Variants in DPF3 observed in about 807,000 individuals in gnomAD.
DPF3 encodes the protein double PHD fingers 3.
DPF3 carries 18 observed loss-of-function variants against 56.8 expected under a neutral mutation model. The observed-to-expected ratio is 0.32, with a 90% confidence interval of 0.22 to 0.47. DPF3 has a LOEUF of 0.47. DPF3 is among the 20% of genes least tolerant of loss of function. DPF3 has a pLI of 1.00. For synonymous variants in DPF3, 188 were observed against 180.2 expected (o/e 1.04, Z -0.35); for missense variants, 403 against 488.8 (o/e 0.82, Z 1.65).
intron 3 of DPF3, among the ~76,000 whole-genome samples, chr14:72,741,589 T>C (rs930978710): frequency 1.9e-4 from 29 of 152,246 alleles, no homozygotes. Context: ...CTCCCTCATC[T>C]GTGAAGCAGA....
intron 1 of DPF3, among the ~76,000 whole-genome samples, chr14:72,808,342 G>A (rs1274365929): frequency 1.3e-5 from 2 of 152,294 alleles, no homozygotes; most frequent in East Asian, 3.9e-4. Flanking sequence ...GCAGGGACAG[G>A]GAAGAAGAAG....
intron 7 of DPF3, among the ~76,000 whole-genome samples, chr14:72,685,258 A>G (rs11846357): frequency 0.072 from 10,930 of 152,296 alleles, 966 homozygotes; most frequent in African/African-American, 0.21. Context: ...ACTAGGGCCC[A>G]TCACTCAGGG....
chr14:72,745,088 G>T lies in DPF3; in HGVS notation c.301+8176C>A, dbSNP rs994741540. ...ATGAGGAAAAGACAGGCATCCTCAG[G>T]GGGTGGGTGTGGAGGGGCACCATGG... On this transcript the variant is annotated intron_variant, in intron 3 of 10. Transcript: ENST00000556509. 2.0e-5 allele frequency among the ~76,000 whole-genome samples: 3 copies of T among 152,012 alleles called. No individual in the cohort carries two copies. The East Asian group carries it at 5.8e-4, about 29-fold the overall frequency.
chr14:72,667,103 A>G (rs1886474203), intron 8 of DPF3, among the ~76,000 whole-genome samples: 1 of 152,178 alleles, frequency 6.6e-6, no homozygotes, highest in Non-Finnish European at 1.5e-5. Context: ...GAACCCTTAA[A>G]GGGATGCTAT....
At chr14:72,864,104 A>G (rs1885564808) in intron 1 of DPF3, among the ~76,000 whole-genome samples, 1 of 152,114 alleles carries the variant, frequency 6.6e-6, no homozygotes, top group Non-Finnish European at 1.5e-5. Flanking sequence ...TGGTCCCTCC[A>G]GAGAGAATTG....
At chr14:72,740,802 G>A (rs1336792364) in intron 3 of DPF3, among the ~76,000 whole-genome samples, 1 of 152,222 alleles carries the variant, frequency 6.6e-6, no homozygotes, top group Non-Finnish European at 1.5e-5. Context: ...GTGCCTCGGG[G>A]CTGAGTTCTG....
intron 7 of DPF3, among the ~76,000 whole-genome samples, chr14:72,687,313 A>C (rs1887456029): frequency 6.6e-6 from 1 of 152,158 alleles, no homozygotes; most frequent in Non-Finnish European, 1.5e-5. Context: ...ATAGACTCAT[A>C]TTTTTTTAAA....
At chr14:72,760,626 T>G (rs948266058) in intron 2 of DPF3, among the ~76,000 whole-genome samples, 18 of 152,282 alleles carry the variant, frequency 1.2e-4, no homozygotes, top group Middle Eastern at 3.4e-3. Flanking sequence ...AATAATATAA[T>G]TTGAAAGTTA....
intron 8 of DPF3, among the ~76,000 whole-genome samples, chr14:72,657,913 C>CA (rs1196302362): frequency 1.3e-5 from 2 of 151,810 alleles, no homozygotes; most frequent in Non-Finnish European, 2.9e-5. Flanking sequence ...AATGATAAGG[C>CA]AAAAAAATTT....
chr14:72,802,568 A>T (rs906080452), intron 1 of DPF3, among the ~76,000 whole-genome samples: 1 of 152,090 alleles, frequency 6.6e-6, no homozygotes, highest in Non-Finnish European at 1.5e-5. Context: ...CACATACCTC[A>T]AGGCACATGC....
intron 1 of DPF3, chr14:72,879,888 A>G (rs1886261528): frequency 1.3e-6 from 2 of 1,531,392 alleles, no homozygotes; most frequent in Admixed American, 2.0e-5. Context: ...AGATGTTCAC[A>G]TCTATATGCG....
intron 1 of DPF3, among the ~76,000 whole-genome samples, chr14:72,877,066 C>T (rs551889519): frequency 8.5e-5 from 13 of 152,146 alleles, no homozygotes; most frequent in African/African-American, 1.9e-4. Flanking sequence ...AGGAGAAAGA[C>T]GTAAATAGTG....
intron 6 of DPF3, among the ~76,000 whole-genome samples, chr14:72,713,829 C>T (rs557164605): frequency 1.6e-4 from 25 of 152,196 alleles, no homozygotes; most frequent in Non-Finnish European, 2.9e-4. Context: ...GTCTGCACGC[C>T]CTAAACTCAG....
intron 5 of DPF3, among the ~76,000 whole-genome samples, chr14:72,720,505 G>T (rs1004230018): frequency 2.0e-4 from 31 of 152,298 alleles, no homozygotes; most frequent in African/African-American, 7.5e-4. Flanking sequence ...GAACCATTCA[G>T]CTGCTGCTTG....
chr14:72,692,728 A>T (rs1170123894), intron 7 of DPF3, among the ~76,000 whole-genome samples: 2 of 152,224 alleles, frequency 1.3e-5, no homozygotes, highest in Non-Finnish European at 1.5e-5. Context: ...ACCTATGCCC[A>T]ACCCAGTCTG....
chr14:72,875,053 CA>C (rs1383025602), intron 1 of DPF3, among the ~76,000 whole-genome samples: 1 of 152,128 alleles, frequency 6.6e-6, no homozygotes, highest in African/African-American at 2.4e-5. Context: ...GAGGAAGAAG[CA>C]AAAGCTGAAA....
intron 2 of DPF3, among the ~76,000 whole-genome samples, chr14:72,756,928 A>AAGAAAGAAAGAAGAGAAGAGAAGAGAAG (rs1428028523): frequency 3.6e-4 from 50 of 139,170 alleles, no homozygotes; most frequent in African/African-American, 1.4e-3. Flanking sequence ...GAAAGAAAGA[A>AAGAAAGAAAGAAGAGAAGAGAAGAGAAG]AGAAGAGAAG....
At chr14:72,688,528 A>G (rs1887534145) in intron 7 of DPF3, among the ~76,000 whole-genome samples, 1 of 131,104 alleles carries the variant, frequency 7.6e-6, no homozygotes, top group Non-Finnish European at 1.5e-5. Context: ...TCACAAGCCT[A>G]TGTTAAGGGG....
intron 9 of DPF3, among the ~76,000 whole-genome samples, chr14:72,623,486 A>ATG (rs950559177): frequency 1.5e-4 from 23 of 151,616 alleles, no homozygotes; most frequent in South Asian, 2.1e-4. Context: ...CTGCATATAT[A>ATG]TGTGTGTGTG....
Sources: gnomAD v4.1 joint callset for allele counts (sites outside exome capture counted in the v4.1 genomes callset) on GRCh38, gnomAD v4.1.1 for gene constraint, MANE v1.5 for transcripts, NCBI Gene and HGNC (gene_info 2026-07-23, HGNC 2026-07-21) for gene names.